Variants in PTPRT observed in about 807,000 individuals in gnomAD.
The protein encoded by PTPRT is receptor-type tyrosine-protein phosphatase T.
Under a neutral mutation model 176.8 loss-of-function variants are expected in PTPRT, and 56 were observed. That is an observed-to-expected ratio of 0.32 (90% CI 0.26 to 0.40). PTPRT has a LOEUF of 0.40. PTPRT is among the 10% of genes least tolerant of loss of function. The pLI, the probability that PTPRT is intolerant of heterozygous loss-of-function variation, is 1.00. For missense variants in PTPRT, 1,540 were observed against 1,908.2 expected, an observed-to-expected ratio of 0.81 and a Z score of 3.60; for synonymous variants, 783 against 739.0, an observed-to-expected ratio of 1.06 and a Z score of -0.96.
intron 26 of PTPRT, 130 bp from the exon 27 acceptor site, chr20:42,098,682 C>T: frequency 8.2e-7 from 1 of 1,213,744 alleles, no homozygotes; most frequent in South Asian, 1.5e-5. Flanking sequence ...CCTGCCTGTT[C>T]TTTTATCTCT....
intron 2 of PTPRT, among the ~76,000 whole-genome samples, chr20:42,816,026 C>T (rs1167351559): frequency 6.6e-6 from 1 of 151,974 alleles, no homozygotes; most frequent in Non-Finnish European, 1.5e-5. Flanking sequence ...CTGGAGGAAA[C>T]TTTCAGGCTG....
intron 15 of PTPRT, among the ~76,000 whole-genome samples, chr20:42,209,996 C>T (rs1036713262): frequency 1.4e-3 from 211 of 152,210 alleles, no homozygotes; most frequent in Non-Finnish European, 2.3e-3. Flanking sequence ...GTTCAATATA[C>T]GCAAATCAAT....
intron 6 of PTPRT, among the ~76,000 whole-genome samples, chr20:42,749,406 C>T (rs764853969): frequency 2.6e-5 from 4 of 152,116 alleles, no homozygotes; most frequent in Non-Finnish European, 4.4e-5. Context: ...TTCCAGACTG[C>T]GCTCATTGTT....
chr20:43,141,256 A>G (rs1290402304), intron 1 of PTPRT, among the ~76,000 whole-genome samples: 2 of 152,150 alleles, frequency 1.3e-5, no homozygotes, highest in Non-Finnish European at 1.5e-5. Context: ...TATTTACCTT[A>G]TGATTCTGTG....
chr20:42,929,242 G>A (rs1053171067), intron 1 of PTPRT, among the ~76,000 whole-genome samples: 2 of 152,240 alleles, frequency 1.3e-5, no homozygotes, highest in Admixed American at 1.3e-4. Context: ...TCAAAAACAG[G>A]AGACTAATTA....
At chr20:42,448,103 G>A in intron 9 of PTPRT, 117 bp downstream of exon 9, 2 of 796,898 alleles carry the variant, frequency 2.5e-6, no homozygotes, top group South Asian at 1.6e-5. Context: ...GAAACCTTTT[G>A]GTATGTCTCA....
intron 15 of PTPRT, 113 bp from the exon 16 acceptor site, chr20:42,199,501 A>T: frequency 8.2e-7 from 1 of 1,226,778 alleles, no homozygotes; most frequent in Non-Finnish European, 1.1e-6. Flanking sequence ...AATCTGGTTC[A>T]TTCTCCAGAA....
Position 43,189,568 on chromosome 20 carries a change from C to T in PTPRT, c.88+78G>A. On this transcript the variant is annotated intron_variant, in intron 1 of 30. Coordinates refer to ENST00000373187, the MANE Select transcript of PTPRT (RefSeq NM_007050.6). The surrounding 1 kb of genome is among the most constrained non-coding windows in gnomAD (Gnocchi z 5.0). ...CGCGAGCCCACACAACTTTCTCCTC[C>T]GAGGGCCCCGCGGCTGGGGGCCCGC... 1 of 992,980 alleles carries T rather than the reference C, an allele frequency of 1.0e-6. No homozygotes were observed. Among genetic ancestry groups the T allele is most frequent in the Non-Finnish European group, 1.3e-6 (1 of 782,220 alleles). 61.5% of individuals were successfully genotyped at this position (992,980 alleles called of 1,614,324 possible).
At chr20:42,906,402 G>A (rs2079479121) in intron 1 of PTPRT, among the ~76,000 whole-genome samples, 1 of 152,196 alleles carries the variant, frequency 6.6e-6, no homozygotes, top group Admixed American at 6.5e-5. Flanking sequence ...CTCATCTGCT[G>A]AAAGCTACTT....
chr20:42,284,174 C>T (rs1262704292), intron 12 of PTPRT, among the ~76,000 whole-genome samples: 4 of 152,080 alleles, frequency 2.6e-5, no homozygotes, highest in African/African-American at 9.7e-5. Flanking sequence ...GCAGTCTATA[C>T]ATGCTCTTAT....
At chr20:42,049,897 G>C in the PTPRT span, among the ~76,000 whole-genome samples, 1 of 152,188 alleles carries the variant, frequency 6.6e-6, no homozygotes, top group Non-Finnish European at 1.5e-5. Context: ...CAAGAGCAGA[G>C]CTCAGGCTGA....
rs138271157 is a variant in PTPRT at position 42,742,777 on chromosome 20, A to G, written c.859+13685T>C. Among the ~76,000 whole-genome samples the G allele has an allele frequency of 3.1e-3, 475 of 152,298 alleles. 2 individuals carry two copies. Among genetic ancestry groups the G allele is most frequent in the Non-Finnish European group, 4.4e-3 (301 of 68,030 alleles). ...GCGATTTCCACACTTTATTTCACTG[A>G]TCCTCAGAAAACATGAGGCAAGAAA... On this transcript the variant is annotated intron_variant, in intron 6 of 30. Transcript: ENST00000373187.
At chr20:42,677,721 C>T in intron 7 of PTPRT, 145 bp downstream of exon 7, 3 of 954,884 alleles carry the variant, frequency 3.1e-6, no homozygotes. Flanking sequence ...AACCCCAAGG[C>T]CTTGATCCTG....
intron 1 of PTPRT, among the ~76,000 whole-genome samples, chr20:43,129,992 G>A (rs1252505089): frequency 6.6e-6 from 1 of 152,166 alleles, no homozygotes; most frequent in African/African-American, 2.4e-5. Context: ...AAAGAGGCAG[G>A]AGACACAAGG....
At chr20:42,183,554 T>C (rs1003336084) in intron 16 of PTPRT, among the ~76,000 whole-genome samples, 1 of 152,208 alleles carries the variant, frequency 6.6e-6, no homozygotes, top group East Asian at 1.9e-4. Flanking sequence ...CTAATCCAAG[T>C]GGAAAATGGA....
intron 17 of PTPRT, among the ~76,000 whole-genome samples, chr20:42,146,391 G>T (rs1302005633): frequency 1.3e-5 from 2 of 151,958 alleles, no homozygotes; most frequent in Non-Finnish European, 2.9e-5. Context: ...CTAATTTTTT[G>T]AAAAAATAAT....
chr20:42,721,768 A>G (rs1463035939), intron 6 of PTPRT, among the ~76,000 whole-genome samples: 1 of 152,204 alleles, frequency 6.6e-6, no homozygotes. Flanking sequence ...ATGTGCATCC[A>G]TGCACGCACA....
At chr20:42,067,042 G>C in the PTPRT span, among the ~76,000 whole-genome samples, 1 of 152,100 alleles carries the variant, frequency 6.6e-6, no homozygotes, top group East Asian at 1.9e-4. Context: ...TTGAACTCCT[G>C]CATCTTTTCA....
chr20:42,590,295 T>G (rs1438306633), intron 7 of PTPRT, among the ~76,000 whole-genome samples: 2 of 152,002 alleles, frequency 1.3e-5, no homozygotes, highest in African/African-American at 4.8e-5. Context: ...AGCCCCCAAA[T>G]GAAGCCACCT....
Sources: gnomAD v4.1 joint callset for allele counts (sites outside exome capture counted in the v4.1 genomes callset) on GRCh38, gnomAD v4.1.1 for gene constraint, Gnocchi (gnomAD v3.1) non-coding constraint, MANE v1.5 for transcripts, NCBI Gene and HGNC (gene_info 2026-07-23, HGNC 2026-07-21) for gene names.